Variants in PCDH15 observed in about 807,000 individuals in gnomAD.
PCDH15 encodes protocadherin-15.
In PCDH15, 129 loss-of-function variants were observed where a neutral mutation model predicts 178.5. The ratio of observed to expected loss-of-function variants is 0.72; its 90% CI spans 0.63 to 0.84. PCDH15 has a LOEUF of 0.84. Ranked by LOEUF, PCDH15 falls within the 40% of genes least tolerant of loss-of-function variation. The probability of loss-of-function intolerance (pLI) is 0.00; values close to 1 mark genes in which losing one functional copy is unlikely to be tolerated. For synonymous variants in PCDH15, 800 were observed against 732.0 expected (o/e 1.09, Z -1.50); for missense variants, 2,230 against 2,099.9 (o/e 1.06, Z -1.21).
chr10:54,873,775 G>T, intron 3 of PCDH15, among the ~76,000 whole-genome samples: 1 of 146,460 alleles, frequency 6.8e-6, no homozygotes, highest in Admixed American at 6.9e-5. Context: ...TGTGTGTGTT[G>T]TGTGTGTGTG....
intron 2 of PCDH15, among the ~76,000 whole-genome samples, chr10:54,572,194 T>C (rs2089931266): frequency 6.6e-6 from 1 of 152,136 alleles, no homozygotes; most frequent in African/African-American, 2.4e-5. Flanking sequence ...ATTAATAACT[T>C]GACTTTTATA....
upstream of PCDH15, among the ~76,000 whole-genome samples, chr10:54,802,626 T>C (rs1952700001): frequency 1.3e-5 from 2 of 152,254 alleles, no homozygotes; most frequent in Non-Finnish European, 2.9e-5. Context: ...ACTTTATTGA[T>C]ACATGTTTAA....
At chr10:54,116,492 C>T (rs1288670942) in intron 15 of PCDH15, among the ~76,000 whole-genome samples, 3 of 152,148 alleles carry the variant, frequency 2.0e-5, no homozygotes, top group African/African-American at 7.2e-5. Flanking sequence ...GTATTGCATG[C>T]TGATGGAAAT....
At chr10:54,667,506 C>T (rs558150702) in intron 1 of PCDH15, among the ~76,000 whole-genome samples, 2 of 152,026 alleles carry the variant, frequency 1.3e-5, no homozygotes, top group African/African-American at 4.8e-5. Context: ...ATGCTTTAGA[C>T]AAAAGACTGT....
At chr10:53,965,393 C>T (rs1245949028) in intron 21 of PCDH15, among the ~76,000 whole-genome samples, 3 of 152,132 alleles carry the variant, frequency 2.0e-5, no homozygotes, top group Non-Finnish European at 2.9e-5. Context: ...AAAATCTAGG[C>T]TTTAAGAATT....
intron 1 of PCDH15, among the ~76,000 whole-genome samples, chr10:55,244,404 C>T (rs1473510543): frequency 1.3e-5 from 2 of 152,034 alleles, no homozygotes. Context: ...TCTACTTGAA[C>T]CAATGTTCCC....
At chr10:54,161,525 A>C (rs1055529423) in intron 13 of PCDH15, among the ~76,000 whole-genome samples, 34 of 152,170 alleles carry the variant, frequency 2.2e-4, no homozygotes, top group African/African-American at 7.5e-4. Flanking sequence ...TACTAAAACC[A>C]GCCCAACTCT....
intron 3 of PCDH15, among the ~76,000 whole-genome samples, chr10:54,895,123 A>G (rs1954524456): frequency 6.6e-6 from 1 of 152,174 alleles, no homozygotes. Flanking sequence ...TCTTAGAATG[A>G]ACAATAAAAA....
At chr10:53,926,287 C>CA (rs2084546489) in intron 25 of PCDH15, among the ~76,000 whole-genome samples, 1 of 152,080 alleles carries the variant, frequency 6.6e-6, no homozygotes, top group Admixed American at 6.5e-5. Flanking sequence ...CAAAACAAAA[C>CA]AAAAAACTGC....
intron 2 of PCDH15, among the ~76,000 whole-genome samples, chr10:54,650,707 T>C (rs2094239255): frequency 6.6e-6 from 1 of 152,060 alleles, no homozygotes; most frequent in Admixed American, 6.6e-5. Context: ...AAGTGACATC[T>C]TCCATGGCAG....
intron 1 of PCDH15, among the ~76,000 whole-genome samples, chr10:54,787,344 T>C (rs187509416): frequency 7.2e-5 from 11 of 152,102 alleles, no homozygotes; most frequent in African/African-American, 2.4e-4. Context: ...ATAAAGTGTA[T>C]GATACAATCC....
intron 1 of PCDH15, among the ~76,000 whole-genome samples, chr10:55,198,141 T>C (rs999566660): frequency 2.6e-5 from 4 of 152,114 alleles, no homozygotes; most frequent in Admixed American, 2.6e-4. Flanking sequence ...GCAAGTAATA[T>C]GTTCTTCTTC....
intron 18 of PCDH15, among the ~76,000 whole-genome samples, chr10:54,056,635 G>A (rs1039772956): frequency 3.3e-5 from 5 of 152,170 alleles, no homozygotes; most frequent in Admixed American, 1.3e-4. Context: ...TGAGATTTTC[G>A]ATGAGGACAC....
intron 2 of PCDH15, among the ~76,000 whole-genome samples, chr10:55,519,682 A>G (rs1348216815): frequency 6.6e-6 from 1 of 151,974 alleles, no homozygotes; most frequent in East Asian, 1.9e-4. Context: ...TTATAGAGCT[A>G]TATATTTAAA....
chr10:54,988,733 G>A (rs1163260385), intron 2 of PCDH15, among the ~76,000 whole-genome samples: 1 of 152,146 alleles, frequency 6.6e-6, no homozygotes, highest in South Asian at 2.1e-4. Flanking sequence ...TTTTATAAGG[G>A]AAGCAGAGCA....
intron 3 of PCDH15, among the ~76,000 whole-genome samples, chr10:54,855,279 G>A (rs1342310931): frequency 6.6e-6 from 1 of 152,208 alleles, no homozygotes; most frequent in African/African-American, 2.4e-5. Context: ...CAGCTATGAT[G>A]TGGGTATCTG....
chr10:55,007,059 G>C (rs919266984), intron 2 of PCDH15, among the ~76,000 whole-genome samples: 1 of 151,996 alleles, frequency 6.6e-6, no homozygotes, highest in Admixed American at 6.6e-5. Flanking sequence ...TCTTGCTCTT[G>C]CTTTTGCTAT....
chr10:53,947,256 T>C (rs1464022814), intron 23 of PCDH15, among the ~76,000 whole-genome samples: 1 of 152,182 alleles, frequency 6.6e-6, no homozygotes, highest in African/African-American at 2.4e-5. Context: ...AATTACAATT[T>C]AAAATCTACT....
rs138308956 is a variant in PCDH15, at chr10:55,317,860, G to A, written c.-156+1739C>T. On this transcript the variant is annotated intron_variant, in intron 1 of 5. Coordinates refer to the PCDH15 transcript ENST00000458638. ...CGCCTGCACGCATGGAACTGGAAAG[G>A]CACCTTCTAGATCACGGAAAGCAAG... 5.1e-3 allele frequency among the ~76,000 whole-genome samples: 777 copies of A among 152,230 alleles called. 8 individuals carry two copies. Among genetic ancestry groups the A allele is most frequent in the African/African-American group, 0.018 (733 of 41,554 alleles).
Sources: allele counts gnomAD v4.1 joint callset (sites outside exome capture counted in the v4.1 genomes callset), GRCh38; gene constraint gnomAD v4.1.1; transcripts MANE v1.5; gene names NCBI Gene and HGNC (gene_info 2026-07-23, HGNC 2026-07-21).